THUMPD3: variants seen among roughly 807,000 people sequenced by gnomAD.
THUMPD3 encodes THUMP domain 3 tRNA guanosine methyltransferase.
In THUMPD3, 44 loss-of-function variants were observed where a neutral mutation model predicts 54.5. That is an observed-to-expected ratio of 0.81 (90% confidence interval 0.63 to 1.04). THUMPD3 has a LOEUF of 1.04. Among genes scored for constraint, THUMPD3 ranks in the 50% least tolerant of loss-of-function variants. THUMPD3 has a pLI of 0.00. For missense variants in THUMPD3, 604 were observed against 601.3 expected, an observed-to-expected ratio of 1.00 and a Z score of -0.05; for synonymous variants, 196 against 201.4, an observed-to-expected ratio of 0.97 and a Z score of 0.23.
intron 6 of THUMPD3, among the ~76,000 whole-genome samples, chr3:9,379,993 A>G (rs1302055040): frequency 6.6e-6 from 1 of 152,162 alleles, no homozygotes; most frequent in Non-Finnish European, 1.5e-5. Flanking sequence ...CCCGGCCGGA[A>G]ATAGCATTTT....
Position 9,365,286 on chromosome 3 carries a change from T to A in THUMPD3, c.218T>A (p.Ile73Lys). 2 of 1,614,186 alleles carry A rather than the reference T, an allele frequency of 1.2e-6. No homozygotes were observed. Among genetic ancestry groups the A allele is most frequent in the Non-Finnish European group, 1.7e-6 (2 of 1,180,024 alleles). The change falls in exon 2 of 10, where the codon ATA becomes AAA. Residue 73 changes from isoleucine (I) to lysine (K), a missense_variant. Ile to Lys is a moderately radical substitution (Grantham distance 102). Transcript: ENST00000452837. ...AAAATCAGCAGAGACCGTGGCAAGA[T>A]ATATTTTGTCATTTCAGTGGAAAGT... The part of the protein sequence containing the change: ...SCKISRDRGK[I>K]YFVISVESLA...
chr3:9,377,669 G>A (rs961882089), intron 5 of THUMPD3, 150 bp from the exon 6 acceptor site: 5 of 565,792 alleles, frequency 8.8e-6, no homozygotes, highest in South Asian at 4.7e-5. Flanking sequence ...GTCACCGTGC[G>A]CGGCCACAAA....
Position 9,373,490 on chromosome 3 carries a change from G to C in THUMPD3, c.808-1026G>C, listed in dbSNP as rs149558203. ...ATCCTGGGCGACAGAGTGAGACCCT[G>C]TCTCAAAAAGGGAATTCCTGAGGAG... is the stretch of plus-strand genomic sequence containing the variant. On this transcript the variant is annotated intron_variant, in intron 4 of 9. Transcript: ENST00000452837. Among the ~76,000 whole-genome samples, 10 of 152,142 alleles carry C rather than the reference G, an allele frequency of 6.6e-5. No individual in the cohort carries two copies. In the East Asian group the frequency reaches 1.9e-3, roughly 29 times the overall value.
chr3:9,374,634 A>G lies in THUMPD3; in HGVS notation c.926A>G (p.Tyr309Cys), dbSNP rs747331294. Reference protein sequence around the residue: ...GPTTLRSTLAYGMLRLCDPLP... With the variant: ...GPTTLRSTLACGMLRLCDPLP... ...ACAACTCTTAGATCAACTCTTGCCTATGGGATGCTCAGGTAAGAAAATGAG... is the reference window on the plus strand; with the variant it reads ...ACAACTCTTAGATCAACTCTTGCCTGTGGGATGCTCAGGTAAGAAAATGAG... The change falls in exon 5 of 10, where the codon TAT becomes TGT. Residue 309 changes from tyrosine to cysteine, a missense_variant. Physicochemically the swap from Tyr to Cys is radical, Grantham distance 194. Coordinates refer to ENST00000452837, the MANE Select transcript of THUMPD3 (RefSeq NM_001114092.2). 6 of 1,613,742 alleles carry G rather than the reference A, an allele frequency of 3.7e-6. No individual in the cohort carries two copies. The highest frequency in any genetic ancestry group is 5.1e-6 in the Non-Finnish European group (6 of 1,179,870).
chr3:9,366,688 G>C (rs2031592067), intron 2 of THUMPD3, among the ~76,000 whole-genome samples: 1 of 152,198 alleles, frequency 6.6e-6, no homozygotes, highest in African/African-American at 2.4e-5. Flanking sequence ...AACACTTCAT[G>C]CTTCTCTCTT....
chr3:9,377,744 A>C (rs1303866718), intron 5 of THUMPD3, 75 bp from the exon 6 acceptor site: 2 of 1,190,252 alleles, frequency 1.7e-6, no homozygotes, highest in Non-Finnish European at 2.5e-6. Flanking sequence ...CTCAATCTTA[A>C]AGCTTCAGGA....
intron 8 of THUMPD3, 85 bp from the exon 9 acceptor site, chr3:9,384,127 G>A: frequency 7.0e-7 from 1 of 1,438,232 alleles, no homozygotes; most frequent in Non-Finnish European, 9.5e-7. Flanking sequence ...CATGCCTCAG[G>A]ATGCATGAAA....
intron 7 of THUMPD3, among the ~76,000 whole-genome samples, chr3:9,382,753 G>T (rs902921502): frequency 1.3e-5 from 2 of 152,160 alleles, no homozygotes; most frequent in African/African-American, 4.8e-5. Context: ...TGAGACGGGG[G>T]TCTTGCTCTG....
intron 1 of THUMPD3, 66 bp downstream of exon 1, chr3:9,363,193 G>A (rs2258768): frequency 0.59 from 89,972 of 152,080 alleles, 26,780 homozygotes; most frequent in South Asian, 0.77. Context: ...GGGAGAGAGG[G>A]GTGGCCTTCC....
chr3:9,377,235 C>T (rs986312358), intron 5 of THUMPD3, among the ~76,000 whole-genome samples: 7 of 151,760 alleles, frequency 4.6e-5, no homozygotes, highest in African/African-American at 1.7e-4. Flanking sequence ...CACATGTGTA[C>T]TTTAAGATGT....
Position 9,384,769 on chromosome 3 carries a change from A to G in THUMPD3, c.*81A>G. On this transcript the variant is annotated 3_prime_UTR_variant, in exon 10 of 10. Transcript: ENST00000452837. The stretch of plus-strand genomic sequence containing the variant: ...TTGGAGAGGAAAAAAGTATTAACAA[A>G]ACTGCAGTCTGCACTCTTTAAACCT... The G allele has an allele frequency of 6.6e-7, 1 of 1,520,650 alleles. No homozygotes were observed. Among genetic ancestry groups the G allele is most frequent in the Non-Finnish European group, 9.0e-7 (1 of 1,108,036 alleles). The allele number at this position is 1,520,650 out of a possible 1,614,324, so 94.2% of individuals were successfully genotyped here. A position where few individuals can be genotyped will look rare whatever the true frequency, so the allele number is the denominator to read the frequency against.
At chr3:9,372,546 C>T (rs1363211774) in intron 4 of THUMPD3, among the ~76,000 whole-genome samples, 1 of 151,726 alleles carries the variant, frequency 6.6e-6, no homozygotes, top group Non-Finnish European at 1.5e-5. Flanking sequence ...TGCCACTGCA[C>T]TTCAGCGTGG....
intron 1 of THUMPD3, among the ~76,000 whole-genome samples, chr3:9,364,413 C>A (rs2031302418): frequency 6.6e-6 from 1 of 151,980 alleles, no homozygotes; most frequent in Non-Finnish European, 1.5e-5. Context: ...GTGGCATGAT[C>A]TCAGCTCACT....
Position 9,365,193 on chromosome 3 carries a change from C to A in THUMPD3, c.125C>A (p.Ala42Asp), listed in dbSNP as rs567008134. Reference protein sequence around the residue: ...SESELLVTIGATVPTGFEQTA... With the variant: ...SESELLVTIGDTVPTGFEQTA... ...TCTGAGCTTCTAGTCACTATTGGAGCCACTGTACCTACTGGCTTTGAGCAA... is the reference window on the plus strand; with the variant it reads ...TCTGAGCTTCTAGTCACTATTGGAGACACTGTACCTACTGGCTTTGAGCAA... Residue 42 changes from alanine (A) to aspartate (D), a missense_variant, in exon 2 of 10, where the codon GCC becomes GAC. Coordinates refer to ENST00000452837, the MANE Select transcript of THUMPD3 (RefSeq NM_001114092.2). 1.9e-6 allele frequency: 3 copies of A among 1,614,024 alleles called. No homozygotes were observed. The African/African-American group carries it at 4.0e-5, about 22-fold the overall frequency.
At chr3:9,377,442 T>C (rs1287818680) in intron 5 of THUMPD3, among the ~76,000 whole-genome samples, 5 of 152,162 alleles carry the variant, frequency 3.3e-5, no homozygotes, top group Non-Finnish European at 1.5e-5. Context: ...TACATGATCT[T>C]GGCTCACTGC....
At chr3:9,366,236 A>G (rs1239429831) in intron 2 of THUMPD3, among the ~76,000 whole-genome samples, 1 of 152,240 alleles carries the variant, frequency 6.6e-6, no homozygotes, top group African/African-American at 2.4e-5. Context: ...TAAAAAGTGA[A>G]GGTCAGAAAA....
intron 3 of THUMPD3, among the ~76,000 whole-genome samples, chr3:9,369,326 A>AG (rs2031837345): frequency 6.6e-6 from 1 of 151,192 alleles, no homozygotes; most frequent in African/African-American, 2.4e-5. Flanking sequence ...AAAAAAAAAA[A>AG]AAAAAAAGAA....
intron 3 of THUMPD3, among the ~76,000 whole-genome samples, chr3:9,369,179 G>A (rs1454141768): frequency 4.6e-5 from 7 of 151,296 alleles, no homozygotes; most frequent in African/African-American, 7.3e-5. Context: ...GTGCGGTGGC[G>A]GGCTTCTGTA....
intron 9 of THUMPD3, 31 bp from the exon 10 acceptor site, chr3:9,384,493 C>A: frequency 6.2e-7 from 1 of 1,612,566 alleles, no homozygotes; most frequent in Non-Finnish European, 8.5e-7. Context: ...AGATTGTCAA[C>A]CTAATTGTTA....
Sources: allele counts gnomAD v4.1 joint callset (sites outside exome capture counted in the v4.1 genomes callset), GRCh38; gene constraint gnomAD v4.1.1; transcripts MANE v1.5; gene names NCBI Gene and HGNC (gene_info 2026-07-23, HGNC 2026-07-21).